The following ADAMTS17 variants were observed in gnomAD, a reference collection of about 807,000 sequenced individuals.
ADAMTS17 encodes the protein A disintegrin and metalloproteinase with thrombospondin motifs 17.
ADAMTS17 carries 113 observed loss-of-function variants against 141.5 expected under a neutral mutation model. That is an observed-to-expected ratio of 0.80 (90% confidence interval 0.69 to 0.93). ADAMTS17 has a LOEUF of 0.93. ADAMTS17 is among the 40% of genes least tolerant of loss of function. The pLI is 0.00. For missense variants in ADAMTS17, 1,659 were observed against 1,517.9 expected (o/e 1.09, Z -1.54); for synonymous variants, 768 against 630.6 (o/e 1.22, Z -3.27).
At chr15:100,162,705 T>C (rs111208198) in intron 8 of ADAMTS17, among the ~76,000 whole-genome samples, 1 of 123,526 alleles carries the variant, frequency 8.1e-6, no homozygotes, top group Admixed American at 8.3e-5. Flanking sequence ...TGTATATATA[T>C]GCACATATAC....
intron 7 of ADAMTS17, among the ~76,000 whole-genome samples, chr15:100,220,625 T>C (rs1242072928): frequency 6.6e-6 from 1 of 152,174 alleles, no homozygotes; most frequent in Non-Finnish European, 1.5e-5. Context: ...TCGAGAAGAT[T>C]TTCATCACTC....
At chr15:100,340,857 T>C (rs932370947) in intron 2 of ADAMTS17, 182 bp downstream of exon 2, 5 of 903,980 alleles carry the variant, frequency 5.5e-6, no homozygotes, top group East Asian at 3.1e-5. Context: ...CCACCCCCTT[T>C]GCCTATAGAG....
At chr15:100,116,245 C>T (rs2141144454) in intron 13 of ADAMTS17, among the ~76,000 whole-genome samples, 1 of 151,868 alleles carries the variant, frequency 6.6e-6, no homozygotes, top group African/African-American at 2.4e-5. Flanking sequence ...ACATGACACA[C>T]CACCTAGAAC....
At chr15:99,989,159 G>T (rs997049001) in intron 20 of ADAMTS17, among the ~76,000 whole-genome samples, 2 of 152,200 alleles carry the variant, frequency 1.3e-5, no homozygotes, top group African/African-American at 4.8e-5. Flanking sequence ...GTGTGGGCGA[G>T]TCACGGAACT....
At chr15:100,250,551 G>C (rs1167744819) in intron 7 of ADAMTS17, among the ~76,000 whole-genome samples, 2 of 152,218 alleles carry the variant, frequency 1.3e-5, no homozygotes, top group African/African-American at 4.8e-5. Flanking sequence ...GGGAAGGGGA[G>C]GGTGGCAGGG....
At chr15:100,243,200 A>G (rs996649412) in intron 7 of ADAMTS17, among the ~76,000 whole-genome samples, 1 of 152,228 alleles carries the variant, frequency 6.6e-6, no homozygotes, top group African/African-American at 2.4e-5. Flanking sequence ...CTGTGTGGAT[A>G]GACCACATTT....
intron 4 of ADAMTS17, among the ~76,000 whole-genome samples, chr15:100,265,103 C>T (rs1224771466): frequency 6.6e-6 from 1 of 152,170 alleles, no homozygotes; most frequent in East Asian, 1.9e-4. Context: ...TCCAAGAGAG[C>T]AGGTACCAAG....
chr15:100,161,235 C>T (rs1246076462), intron 8 of ADAMTS17, among the ~76,000 whole-genome samples: 14 of 152,228 alleles, frequency 9.2e-5, no homozygotes, highest in Admixed American at 6.5e-4. Flanking sequence ...CTCGACCCCT[C>T]CTGGCTTCCG....
At chr15:100,079,255 T>C (rs2034577130) in intron 15 of ADAMTS17, among the ~76,000 whole-genome samples, 1 of 152,224 alleles carries the variant, frequency 6.6e-6, no homozygotes, top group Non-Finnish European at 1.5e-5. Flanking sequence ...CACAAAAGTT[T>C]ATATCAGCAT....
intron 20 of ADAMTS17, among the ~76,000 whole-genome samples, chr15:99,977,243 G>A (rs1038635276): frequency 1.1e-4 from 17 of 150,330 alleles, no homozygotes; most frequent in African/African-American, 4.2e-4. Context: ...ATGAGGAGGT[G>A]CCGTGTTTGC....
chr15:100,022,912 A>G (rs1025574263), intron 18 of ADAMTS17, among the ~76,000 whole-genome samples: 3 of 152,198 alleles, frequency 2.0e-5, no homozygotes, highest in African/African-American at 7.2e-5. Context: ...ACTCATCCAT[A>G]TGCTTTTGAG....
chr15:100,271,095 G>A (rs990030550), intron 4 of ADAMTS17, among the ~76,000 whole-genome samples: 6 of 152,034 alleles, frequency 3.9e-5, no homozygotes, highest in African/African-American at 1.2e-4. Flanking sequence ...TTTTAAGGCT[G>A]AATAATATTC....
chr15:100,125,048 G>C (rs916918141), intron 12 of ADAMTS17, among the ~76,000 whole-genome samples: 15 of 152,344 alleles, frequency 9.8e-5, no homozygotes, highest in African/African-American at 3.4e-4. Context: ...CAGACCAGAA[G>C]ATAAAGTCAC....
At chr15:100,310,691 C>A (rs972944791) in intron 3 of ADAMTS17, among the ~76,000 whole-genome samples, 1 of 152,194 alleles carries the variant, frequency 6.6e-6, no homozygotes, top group Non-Finnish European at 1.5e-5. Context: ...TGACGCCTGA[C>A]GTTTTCTGCT....
At chr15:100,016,108 C>G (rs1409571551) in intron 18 of ADAMTS17, among the ~76,000 whole-genome samples, 1 of 152,182 alleles carries the variant, frequency 6.6e-6, no homozygotes, top group African/African-American at 2.4e-5. Flanking sequence ...AAAGACCTGT[C>G]TTCGAGCTCT....
intron 3 of ADAMTS17, among the ~76,000 whole-genome samples, chr15:100,322,855 A>G (rs1356255370): frequency 6.6e-6 from 1 of 152,204 alleles, no homozygotes; most frequent in Non-Finnish European, 1.5e-5. Context: ...TGGGAGGCTG[A>G]GGCAGACAGA....
At chr15:100,127,151 G>A (rs980312328) in intron 12 of ADAMTS17, among the ~76,000 whole-genome samples, 2 of 152,160 alleles carry the variant, frequency 1.3e-5, no homozygotes, top group East Asian at 1.9e-4. Flanking sequence ...GGGGCTGAAC[G>A]GTGGGTCCCC....
Position 99,974,681 on chromosome 15 carries a change from A to G in ADAMTS17, c.3128-119T>C. On this transcript the variant is annotated intron_variant, in intron 21 of 21. Coordinates refer to ENST00000268070, the MANE Select transcript of ADAMTS17 (RefSeq NM_139057.4). ...GCTCCCTCACCCTCGTGCACACGTCAACCCTTTGCACTGATTAGGCCATGC... is the reference window on the plus strand; with the variant it reads ...GCTCCCTCACCCTCGTGCACACGTCGACCCTTTGCACTGATTAGGCCATGC... 2 of 1,323,068 alleles carry G rather than the reference A, an allele frequency of 1.5e-6. 1 individual carries two copies. The highest frequency in any genetic ancestry group is 2.4e-5 in the South Asian group (2 of 82,348). 82.0% of individuals were successfully genotyped at this position (1,323,068 alleles called of 1,614,324 possible).
intron 4 of ADAMTS17, among the ~76,000 whole-genome samples, chr15:100,275,168 G>A (rs946937276): frequency 1.3e-5 from 2 of 152,328 alleles, no homozygotes; most frequent in Non-Finnish European, 2.9e-5. Context: ...GTTCCACAAG[G>A]CACGTAAGCA....
Sources: gnomAD v4.1 joint callset for allele counts (sites outside exome capture counted in the v4.1 genomes callset) on GRCh38, gnomAD v4.1.1 for gene constraint, MANE v1.5 for transcripts, NCBI Gene and HGNC (gene_info 2026-07-23, HGNC 2026-07-21) for gene names.